Variants in YBEY observed in about 807,000 individuals in gnomAD.
The protein encoded by YBEY is endoribonuclease YbeY.
A neutral mutation model predicts 13.5 loss-of-function variants in YBEY; 15 were observed. That is an observed-to-expected ratio of 1.11 (90% CI 0.75 to 1.72). YBEY has a LOEUF of 1.72. YBEY is among the 40% of genes most tolerant of loss of function. The probability of loss-of-function intolerance (pLI) is 0.00; values close to 1 mark genes in which losing one functional copy is unlikely to be tolerated. For missense variants in YBEY, 244 were observed against 208.4 expected (o/e 1.17, Z -1.05); for synonymous variants, 101 against 83.1 (o/e 1.21, Z -1.17).
At chr21:46,301,667 G>A (rs572676692), downstream of YBEY, 28 of 1,119,544 alleles carry the variant, frequency 2.5e-5, no homozygotes, top group East Asian at 5.3e-4. Flanking sequence ...CTTTACCTCC[G>A]TGATGGAAGA....
chr21:46,286,797 C>G (rs2081454205), intron 1 of YBEY, 73 bp from the exon 2 acceptor site: 2 of 832,734 alleles, frequency 2.4e-6, no homozygotes, highest in African/African-American at 3.5e-5. Flanking sequence ...GATCTGATTG[C>G]GCGTGCATCT....
At chr21:46,286,621 C>A (rs17176110) in intron 1 of YBEY, 56,972 of 187,884 alleles carry the variant, frequency 0.3, 10,776 homozygotes, top group Admixed American at 0.42. Context: ...CCGCGCGCAC[C>A]CCCAACCCGC....
the YBEY span, among the ~76,000 whole-genome samples, chr21:46,311,213 A>G: frequency 6.6e-6 from 1 of 152,262 alleles, no homozygotes; most frequent in Middle Eastern, 3.4e-3. Flanking sequence ...TGGTTTTTGA[A>G]TGGATGATGA....
chr21:46,297,186 C>T (rs934311452), intron 4 of YBEY, among the ~76,000 whole-genome samples: 3 of 152,060 alleles, frequency 2.0e-5, no homozygotes, highest in Non-Finnish European at 4.4e-5. Context: ...GTAATCCCAG[C>T]TACAGGGGAG....
chr21:46,286,736 T>G (rs899194236), intron 1 of YBEY, 134 bp from the exon 2 acceptor site: 8 of 612,500 alleles, frequency 1.3e-5, no homozygotes, highest in Admixed American at 9.9e-5. Context: ...TTCCTCCTTG[T>G]GGTAAATGTA....
At chr21:46,302,679 T>C (rs1169445960), downstream of YBEY, 3 of 900,290 alleles carry the variant, frequency 3.3e-6, 1 homozygote, top group Non-Finnish European at 5.2e-6. Context: ...GTCTGTACAC[T>C]GTGCAGGTCC....
the YBEY span, among the ~76,000 whole-genome samples, chr21:46,310,075 A>T: frequency 2.0e-5 from 3 of 152,190 alleles, no homozygotes; most frequent in African/African-American, 7.2e-5. Context: ...CAGCAGTTGC[A>T]TGGGGGTGTA....
chr21:46,306,926 T>G, the YBEY span, among the ~76,000 whole-genome samples: 2 of 148,324 alleles, frequency 1.3e-5, no homozygotes, highest in African/African-American at 5.0e-5. Context: ...GACAGAGTCT[T>G]GGTCTGTCAC....
At chr21:46,311,412 G>T in the YBEY span, 1 of 1,190,752 alleles carries the variant, frequency 8.4e-7, no homozygotes, top group Non-Finnish European at 1.2e-6. Flanking sequence ...CCTTTCAGTA[G>T]ATAATTTCCT....
At chr21:46,301,981 G>A, downstream of YBEY, 2 of 1,508,056 alleles carry the variant, frequency 1.3e-6, no homozygotes, top group Non-Finnish European at 1.8e-6. Context: ...CCCCGGCCAG[G>A]GTCTCTGTGA....
chr21:46,301,652 C>T, downstream of YBEY: 1 of 1,103,098 alleles, frequency 9.1e-7, no homozygotes. Context: ...CGTCCACGGC[C>T]TCAACTTTAC....
the YBEY span, among the ~76,000 whole-genome samples, chr21:46,304,444 C>T: frequency 3.3e-5 from 5 of 151,490 alleles, no homozygotes; most frequent in Admixed American, 2.0e-4. Flanking sequence ...TATGATTGCA[C>T]CACTGCACTC....
At chr21:46,306,061 C>A in the YBEY span, among the ~76,000 whole-genome samples, 2 of 125,718 alleles carry the variant, frequency 1.6e-5, no homozygotes. Flanking sequence ...TATAGCAACA[C>A]TGTGACTCAA....
chr21:46,308,966 C>T, the YBEY span, among the ~76,000 whole-genome samples: 1 of 152,146 alleles, frequency 6.6e-6, no homozygotes, highest in East Asian at 1.9e-4. Flanking sequence ...GATGTGCCCC[C>T]GAACCTTGCA....
downstream of YBEY, among the ~76,000 whole-genome samples, chr21:46,299,315 T>C (rs2082051731): frequency 6.6e-6 from 1 of 152,144 alleles, no homozygotes; most frequent in Non-Finnish European, 1.5e-5. Flanking sequence ...CCTTCTGACC[T>C]GAATCTGAGG....
In YBEY at chr21:46,291,479, A is replaced by G. The variant is rs995460023; in HGVS notation, c.339+17A>G. 5.6e-6 allele frequency: 9 copies of G among 1,613,206 alleles called. No homozygotes were observed. The highest frequency in any genetic ancestry group is 7.6e-6 in the Non-Finnish European group (9 of 1,179,612). On this transcript the variant is annotated intron_variant, in intron 3 of 4. Coordinates refer to ENST00000397701, the MANE Select transcript of YBEY (RefSeq NM_001314025.2). ...GTCCTGACTGTAAGCGGGGATGCTG[A>G]AATCATATAACCTGGCTCATGGAAC...
At chr21:46,303,579 C>T in the YBEY span, among the ~76,000 whole-genome samples, 14 of 149,816 alleles carry the variant, frequency 9.3e-5, no homozygotes, top group African/African-American at 2.9e-4. Context: ...AGGCCAGGCA[C>T]GGTGGCTCAT....
rs1464112985 is a variant in YBEY, at chr21:46,297,604, C to G, written c.474C>G (p.Pro158=). ...GACGCACGGGGACCCGGCTGCAGCC[C>G]CTGACCCGGGGCCTCTTCGGAGGGA... ...LGRRTGTRLQ[P]LTRGLFGGS is the part of the protein sequence containing the mutation. Residue 158 remains proline (P), a synonymous_variant, in exon 5 of 5, where the codon CCC becomes CCG. Coordinates refer to ENST00000397701, the MANE Select transcript of YBEY (RefSeq NM_001314025.2). 2.9e-6 allele frequency: 4 copies of G among 1,374,274 alleles called. No individual in the cohort carries two copies. The highest frequency in any genetic ancestry group is 6.1e-5 in the Admixed American group (2 of 32,538). 85.1% of individuals were successfully genotyped at this position (1,374,274 alleles called of 1,614,324 possible).
At chr21:46,291,678 A>G in intron 3 of YBEY, 2 of 1,330,696 alleles carry the variant, frequency 1.5e-6, no homozygotes, top group East Asian at 3.2e-5. Flanking sequence ...CTGTGAAAAC[A>G]CAGAAGCTCC....
Sources: allele counts gnomAD v4.1 joint callset (sites outside exome capture counted in the v4.1 genomes callset), GRCh38; gene constraint gnomAD v4.1.1; transcripts MANE v1.5; gene names NCBI Gene and HGNC (gene_info 2026-07-23, HGNC 2026-07-21).